The following SLC17A5 variants were observed in gnomAD, a reference collection of about 807,000 sequenced individuals.
The protein encoded by SLC17A5 is solute carrier family 17 member 5, also known as sialin.
A neutral mutation model predicts 59.4 loss-of-function variants in SLC17A5; 47 were observed. The ratio of observed to expected loss-of-function variants is 0.79; its 90% CI spans 0.63 to 1.01. The LOEUF (loss-of-function observed/expected upper bound fraction) is 1.01, where lower values mean the gene tolerates loss of function less well. Among genes scored for constraint, SLC17A5 ranks in the 50% least tolerant of loss-of-function variants. The probability of loss-of-function intolerance (pLI) is 0.00; values close to 1 mark genes in which losing one functional copy is unlikely to be tolerated. For missense variants in SLC17A5, 522 were observed against 595.5 expected, an observed-to-expected ratio of 0.88 and a Z score of 1.28; for synonymous variants, 202 against 210.7, an observed-to-expected ratio of 0.96 and a Z score of 0.36.
chr6:73,608,340 G>C (rs1411167039), intron 9 of SLC17A5, among the ~76,000 whole-genome samples: 1 of 152,168 alleles, frequency 6.6e-6, no homozygotes, highest in Non-Finnish European at 1.5e-5. Context: ...ATGGTGGAGA[G>C]AGGAAAAGAT....
chr6:73,619,126 G>T (rs80333997), intron 7 of SLC17A5, among the ~76,000 whole-genome samples: 2 of 152,166 alleles, frequency 1.3e-5, no homozygotes, highest in Admixed American at 1.3e-4. Flanking sequence ...TGGCAGAGCC[G>T]TCAGAAGACA....
rs914923997 is a variant in SLC17A5, at chr6:73,595,025, T to G, written c.*52A>C. On this transcript the variant is annotated 3_prime_UTR_variant, in exon 11 of 11. Coordinates refer to ENST00000355773, the MANE Select transcript of SLC17A5 (RefSeq NM_012434.5). ...CACAATACAGAAGGCACTTTGAGGT[T>G]ACATGATAAATAAAAATACATTAAT... The G allele has an allele frequency of 1.1e-5, 17 of 1,600,108 alleles. No homozygotes were observed. The highest frequency in any genetic ancestry group is 1.5e-5 in the Non-Finnish European group (17 of 1,167,462).
intron 7 of SLC17A5, chr6:73,618,671 G>T: frequency 3.4e-6 from 1 of 292,116 alleles, no homozygotes. Context: ...AAAAAAATGA[G>T]AGATATGTGA....
At position 73,621,819 on chromosome 6, in the gene SLC17A5, C is replaced by A; in HGVS notation, c.963G>T (p.Arg321Ser). ...LLPTYMKEIL[R>S]FNVQENGFLS... The stretch of plus-strand genomic sequence containing the variant: ...TTTTTCTTACCTCTTGAACATTGAA[C>A]CTTAGGATCTCCTTCATATAAGTAG... Residue 321 changes from arginine (R) to serine (S), a missense_variant, in exon 7 of 11, where the codon AGG becomes AGT. This residue lies in a region of SLC17A5 where 31 missense variants were observed against 63.2 expected (regional missense o/e 0.49). Coordinates refer to ENST00000355773, the MANE Select transcript of SLC17A5 (RefSeq NM_012434.5). 6.2e-7 allele frequency: 1 copy of A among 1,609,826 alleles called. No individual in the cohort carries two copies. The highest frequency in any genetic ancestry group is 8.5e-7 in the Non-Finnish European group (1 of 1,176,212).
chr6:73,610,259 C>T, intron 9 of SLC17A5, 141 bp downstream of exon 9: 1 of 926,168 alleles, frequency 1.1e-6, no homozygotes, highest in Non-Finnish European at 1.7e-6. Flanking sequence ...GTCTCAAACT[C>T]CTGACCTCAG....
chr6:73,602,418 C>A (rs1405509928), intron 9 of SLC17A5, among the ~76,000 whole-genome samples: 1 of 147,554 alleles, frequency 6.8e-6, no homozygotes, highest in Non-Finnish European at 1.5e-5. Context: ...CTGTGAGAAA[C>A]ACCCAAGAAT....
intron 6 of SLC17A5, 76 bp from the exon 7 acceptor site, chr6:73,622,038 C>A: frequency 7.0e-7 from 1 of 1,430,692 alleles, no homozygotes; most frequent in South Asian, 1.2e-5. Flanking sequence ...AGCTAAAACT[C>A]TATCCAGAAT....
Position 73,644,457 on chromosome 6 carries a change from T to C in SLC17A5, c.241A>G (p.Lys81Glu), listed in dbSNP as rs1231088068. Residue 81 changes from lysine to glutamate, a missense_variant, in exon 2 of 11, where the codon AAG becomes GAG. Physicochemically the swap from Lys to Glu is moderately conservative, Grantham distance 56 (BLOSUM62 1). Transcript: ENST00000355773. ...NTTLEDNRTS[K>E]ACPEHSAPIK... The stretch of plus-strand genomic sequence containing the variant: ...GGAGCAGAATGCTCTGGACACGCCT[T>C]GGAAGTTCTATTATCTTCTAAAGTT... 6.2e-7 allele frequency: 1 copy of C among 1,614,104 alleles called. No individual in the cohort carries two copies. Among genetic ancestry groups the C allele is most frequent in the Non-Finnish European group, 8.5e-7 (1 of 1,179,984 alleles).
chr6:73,629,204 A>G (rs984729574), intron 6 of SLC17A5, among the ~76,000 whole-genome samples: 1 of 152,060 alleles, frequency 6.6e-6, no homozygotes, highest in Non-Finnish European at 1.5e-5. Context: ...CCTGGGCAAC[A>G]TGGCAAAACC....
chr6:73,638,491 T>C lies in SLC17A5; in HGVS notation c.534A>G (p.Thr178=). The change falls in exon 4 of 11, where the codon ACA becomes ACG. Residue 178 remains threonine, a synonymous_variant. Coordinates refer to ENST00000355773, the MANE Select transcript of SLC17A5 (RefSeq NM_012434.5). ...RALEGLGEGV[T]FPAMHAMWSS... ...ACCACATGGCATGCATGGCTGGAAA[T>C]GTAACACCCTGAGAGAAGGGAACAT... The C allele has an allele frequency of 1.9e-6, 3 of 1,612,874 alleles. No homozygotes were observed. The highest frequency in any genetic ancestry group is 2.5e-6 in the Non-Finnish European group (3 of 1,178,882).
intron 1 of SLC17A5, among the ~76,000 whole-genome samples, chr6:73,647,227 AG>A (rs917926315): frequency 1.3e-5 from 2 of 152,230 alleles, no homozygotes; most frequent in Non-Finnish European, 2.9e-5. Flanking sequence ...GATGGTTTAA[AG>A]AGCTCATCTG....
intron 7 of SLC17A5, among the ~76,000 whole-genome samples, chr6:73,618,957 G>A (rs1394516485): frequency 1.3e-5 from 2 of 152,090 alleles, no homozygotes; most frequent in African/African-American, 4.8e-5. Flanking sequence ...GAACTCTTGA[G>A]CACAGGCAAT....
At chr6:73,642,022 A>G in intron 2 of SLC17A5, 98 bp from the exon 3 acceptor site, 3 of 1,112,290 alleles carry the variant, frequency 2.7e-6, no homozygotes, top group Non-Finnish European at 4.1e-6. Flanking sequence ...TGAGATTTTG[A>G]ACCACTATTT....
Position 73,653,745 on chromosome 6 carries a change from C to G in SLC17A5, c.94+48G>C, listed in dbSNP as rs1769981936. On this transcript the variant is annotated intron_variant, in intron 1 of 10. Coordinates refer to ENST00000355773, the MANE Select transcript of SLC17A5 (RefSeq NM_012434.5). ...CCATGCCGGCCCAGAGACCGCCGCC[C>G]CCGGTACCGCTGCCCACTCGAAGCC... 3.3e-6 allele frequency: 5 copies of G among 1,511,256 alleles called. No individual in the cohort carries two copies. The East Asian group carries it at 1.2e-4, about 37-fold the overall frequency. 93.6% of individuals were successfully genotyped at this position (1,511,256 alleles called of 1,614,324 possible).
At chr6:73,641,667 AAAC>A (rs1769290425) in intron 3 of SLC17A5, 21 bp downstream of exon 3, 1 of 1,534,040 alleles carries the variant, frequency 6.5e-7, no homozygotes, top group Non-Finnish European at 9.0e-7. Context: ...GTAAGAAGTA[AAAC>A]AAGAGAGAAA....
rs1186817058 is a variant in SLC17A5, at chr6:73,653,873, A to T, written c.14T>A (p.Val5Asp). ...GCCATCGTTCCGGGCCAGGTCTCGA[A>T]CCGGAGACCTCATGACGCCTACGTG... MRSP[V>D]RDLARNDGEE... The change falls in exon 1 of 11, where the codon GTT becomes GAT. Residue 5 changes from valine (V) to aspartate (D), a missense_variant. Coordinates refer to ENST00000355773, the MANE Select transcript of SLC17A5 (RefSeq NM_012434.5). 6.2e-7 allele frequency: 1 copy of T among 1,606,746 alleles called. No individual in the cohort carries two copies. The highest frequency in any genetic ancestry group is 1.1e-5 in the South Asian group (1 of 89,876).
chr6:73,601,427 G>C (rs868848162), intron 9 of SLC17A5, among the ~76,000 whole-genome samples: 21 of 47,346 alleles, frequency 4.4e-4, no homozygotes, highest in East Asian at 1.6e-3. Context: ...GGTCAGCCCC[G>C]CGCCCGGCCA....
At chr6:73,647,893 AC>A (rs1365476339) in intron 1 of SLC17A5, among the ~76,000 whole-genome samples, 4 of 152,046 alleles carry the variant, frequency 2.6e-5, no homozygotes, top group Non-Finnish European at 5.9e-5. Flanking sequence ...ACAAGGTGAA[AC>A]CCCGTCTCTA....
intron 9 of SLC17A5, among the ~76,000 whole-genome samples, chr6:73,604,199 C>T (rs1358952541): frequency 1.3e-5 from 2 of 152,010 alleles, no homozygotes; most frequent in Non-Finnish European, 2.9e-5. Flanking sequence ...GCAATGTTGC[C>T]AGCCTTTCCA....
Sources: gnomAD v4.1 joint callset for allele counts (sites outside exome capture counted in the v4.1 genomes callset) on GRCh38, gnomAD v4.1.1 for gene constraint, gnomAD v4.1.1 regional missense constraint, MANE v1.5 for transcripts, NCBI Gene and HGNC (gene_info 2026-07-23, HGNC 2026-07-21) for gene names.